The following FXR1 variants were observed in gnomAD, a reference collection of about 807,000 sequenced individuals.
The protein encoded by FXR1 is RNA-binding protein FXR1.
FXR1 carries 15 observed loss-of-function variants against 84.0 expected under a neutral mutation model. That is an observed-to-expected ratio of 0.18 (90% confidence interval 0.12 to 0.27). FXR1 has a LOEUF of 0.27. FXR1 is among the 10% of genes least tolerant of loss of function. FXR1 has a pLI of 1.00. For synonymous variants in FXR1, 245 were observed against 250.7 expected, an observed-to-expected ratio of 0.98 and a Z score of 0.21; for missense variants, 480 against 774.4, an observed-to-expected ratio of 0.62 and a Z score of 4.51.
At chr3:180,920,582 G>T (rs1251333573) in intron 1 of FXR1, among the ~76,000 whole-genome samples, 1 of 150,936 alleles carries the variant, frequency 6.6e-6, no homozygotes, top group Non-Finnish European at 1.5e-5. Context: ...CACAATCTTG[G>T]CTCACTGCAA....
In FXR1 at chr3:180,982,638, A is replaced by G. The variant is rs1276773604; in HGVS notation, c.*6346A>G. 2 of 151,610 alleles carry G rather than the reference A, an allele frequency of 1.3e-5. No homozygotes were observed. Among genetic ancestry groups the G allele is most frequent in the African/African-American group, 2.4e-5 (1 of 40,930 alleles). 9.4% of individuals were successfully genotyped at this position (151,610 alleles called of 1,614,324 possible). The stretch of plus-strand genomic sequence containing the variant: ...CATTGCCTGTCGGCATATTATCACT[A>G]TCTGTCTTTGAAAAATTTTCTTTTA... On this transcript the variant is annotated 3_prime_UTR_variant, in exon 17 of 17. Transcript: ENST00000357559.
At chr3:180,918,366 G>A (rs1025447309) in intron 1 of FXR1, among the ~76,000 whole-genome samples, 5 of 147,094 alleles carry the variant, frequency 3.4e-5, no homozygotes, top group African/African-American at 1.2e-4. Context: ...TCAAACTCCT[G>A]GTCTCAAGCA....
At chr3:180,930,721 G>T (rs2108440008) in intron 1 of FXR1, among the ~76,000 whole-genome samples, 1 of 152,274 alleles carries the variant, frequency 6.6e-6, no homozygotes, top group East Asian at 1.9e-4. Flanking sequence ...AACTGAATGT[G>T]CTGACCAAAG....
intron 7 of FXR1, 138 bp downstream of exon 7, chr3:180,949,481 GA>G: frequency 1.5e-6 from 1 of 654,958 alleles, no homozygotes; most frequent in Non-Finnish European, 2.8e-6. Context: ...CCACCTCCCG[GA>G]TTCAAGCGGT....
intron 3 of FXR1, among the ~76,000 whole-genome samples, chr3:180,939,412 T>TA (rs1720884113): frequency 6.6e-6 from 1 of 152,230 alleles, no homozygotes; most frequent in Non-Finnish European, 1.5e-5. Flanking sequence ...CAATCATACT[T>TA]AGAGATGGTC....
Position 180,975,422 on chromosome 3 carries a change from T to A in FXR1, c.1695+18T>A. 9.8e-7 allele frequency: 1 copy of A among 1,018,590 alleles called. No homozygotes were observed. The highest frequency in any genetic ancestry group is 1.7e-5 in the African/African-American group (1 of 58,092). The allele number at this position is 1,018,590 out of a possible 1,614,324, so 63.1% of individuals were successfully genotyped here. ...AAGAAATGGTAAGGAGAATTTAACCTGTAGGTTTTTTTTTTTTTTAATTTT... is the reference window on the plus strand; with the variant it reads ...AAGAAATGGTAAGGAGAATTTAACCAGTAGGTTTTTTTTTTTTTTAATTTT... On this transcript the variant is annotated intron_variant, in intron 16 of 16. Transcript: ENST00000357559.
chr3:180,974,816 T>G (rs560070302), intron 15 of FXR1, among the ~76,000 whole-genome samples: 6 of 152,216 alleles, frequency 3.9e-5, no homozygotes, highest in Middle Eastern at 3.4e-3. Flanking sequence ...AAACCACACT[T>G]GGATATCTTA....
intron 1 of FXR1, among the ~76,000 whole-genome samples, chr3:180,930,591 T>A (rs1188724849): frequency 5.9e-5 from 9 of 152,166 alleles, no homozygotes; most frequent in Admixed American, 5.9e-4. Flanking sequence ...AGGTTGAAAA[T>A]ATGGCTGTCT....
intron 3 of FXR1, among the ~76,000 whole-genome samples, chr3:180,946,833 C>G (rs1721744237): frequency 6.6e-6 from 1 of 152,170 alleles, no homozygotes; most frequent in African/African-American, 2.4e-5. Flanking sequence ...CCCTGATGAT[C>G]TCTGCAAGGA....
At chr3:180,969,266 A>G (rs1713231467) in intron 14 of FXR1, among the ~76,000 whole-genome samples, 1 of 152,236 alleles carries the variant, frequency 6.6e-6, no homozygotes, top group Non-Finnish European at 1.5e-5. Context: ...AAATTACAGT[A>G]TACTGAATTG....
At chr3:180,932,585 G>A (rs995297087) in intron 1 of FXR1, among the ~76,000 whole-genome samples, 2 of 152,092 alleles carry the variant, frequency 1.3e-5, no homozygotes, top group Non-Finnish European at 2.9e-5. Context: ...AGAATAAGAA[G>A]GCTAATTTTA....
Position 180,968,149 on chromosome 3 carries a change from C to A in FXR1, c.1297C>A (p.Arg433=). The A allele has an allele frequency of 1.2e-6, 2 of 1,613,322 alleles. No individual in the cohort carries two copies. The highest frequency in any genetic ancestry group is 1.7e-6 in the Non-Finnish European group (2 of 1,179,340). ...SLAGEDDRDS[R]HQRDSRRRPG... Reference sequence around the variant, plus strand: ...GGCAGGAGAAGATGATCGAGACAGCCGACATCAGCGTGACAGCAGGAGACG... The same window carrying A: ...GGCAGGAGAAGATGATCGAGACAGCAGACATCAGCGTGACAGCAGGAGACG... Residue 433 remains arginine, a synonymous_variant, in exon 14 of 17, where the codon CGA becomes AGA. Transcript: ENST00000357559.
At chr3:180,930,908 A>T (rs1176160383) in intron 1 of FXR1, among the ~76,000 whole-genome samples, 1 of 151,202 alleles carries the variant, frequency 6.6e-6, no homozygotes, top group Non-Finnish European at 1.5e-5. Flanking sequence ...GTGGTGGTGT[A>T]GTCCCAGCTA....
At chr3:180,962,969 A>C in intron 12 of FXR1, 29 bp downstream of exon 12, 1 of 1,610,702 alleles carries the variant, frequency 6.2e-7, no homozygotes, top group South Asian at 1.1e-5. Flanking sequence ...CTTCCACCAG[A>C]GGGCCTGAAA....
At chr3:180,951,134 G>A (rs552942439) in intron 7 of FXR1, among the ~76,000 whole-genome samples, 164 bp from the exon 8 acceptor site, 3 of 151,918 alleles carry the variant, frequency 2.0e-5, no homozygotes, top group South Asian at 4.2e-4. Flanking sequence ...GAAGTGGGAC[G>A]ATTGCTTGAG....
intron 1 of FXR1, among the ~76,000 whole-genome samples, chr3:180,930,570 C>T (rs1434949507): frequency 1.3e-5 from 2 of 152,078 alleles, no homozygotes; most frequent in Non-Finnish European, 2.9e-5. Context: ...AGAACTAGAA[C>T]ACGTTAGTGG....
intron 15 of FXR1, among the ~76,000 whole-genome samples, chr3:180,974,168 T>TTC (rs1713930474): frequency 6.6e-6 from 1 of 151,660 alleles, no homozygotes; most frequent in Admixed American, 6.6e-5. Flanking sequence ...TTCTTTTTTT[T>TTC]TTTTTTTGAA....
chr3:180,935,262 C>T, intron 3 of FXR1, 31 bp downstream of exon 3: 1 of 966,202 alleles, frequency 1.0e-6, no homozygotes, highest in Non-Finnish European at 1.7e-6. Flanking sequence ...TTTCTTGTGT[C>T]TATTTTTTTG....
intron 1 of FXR1, among the ~76,000 whole-genome samples, chr3:180,922,701 C>T (rs1560161109): frequency 6.6e-6 from 1 of 152,088 alleles, no homozygotes; most frequent in Non-Finnish European, 1.5e-5. Flanking sequence ...CAGTCTTGAC[C>T]TTCCAGGTTC....
Sources: gnomAD v4.1 joint callset for allele counts (sites outside exome capture counted in the v4.1 genomes callset) on GRCh38, gnomAD v4.1.1 for gene constraint, MANE v1.5 for transcripts, NCBI Gene and HGNC (gene_info 2026-07-23, HGNC 2026-07-21) for gene names.